Variants in GBP6 observed in about 807,000 individuals in gnomAD.
GBP6 encodes the protein guanylate-binding protein 6.
In GBP6, 54 loss-of-function variants were observed where a neutral mutation model predicts 61.5. That is an observed-to-expected ratio of 0.88 (90% CI 0.71 to 1.10). The LOEUF (loss-of-function observed/expected upper bound fraction) is 1.10, where lower values mean the gene tolerates loss of function less well. Among genes scored for constraint, GBP6 ranks in the 50% least tolerant of loss-of-function variants. The pLI, the probability that GBP6 is intolerant of heterozygous loss-of-function variation, is 0.00. For synonymous variants in GBP6, 255 were observed against 273.7 expected (o/e 0.93, Z 0.67); for missense variants, 748 against 752.8 (o/e 0.99, Z 0.07).
At position 89,385,667 on chromosome 1, in the gene GBP6, G is replaced by T; in HGVS notation, c.*198G>T. ...ACCTGCCTCAGCCCCCTAGTAGCTG[G>T]GATTATAGGTGTACACCACCACACC... is the stretch of plus-strand genomic sequence containing the variant. On this transcript the variant is annotated 3_prime_UTR_variant, in exon 11 of 11. Coordinates refer to ENST00000370456, the MANE Select transcript of GBP6 (RefSeq NM_198460.3). The T allele has an allele frequency of 1.9e-6, 1 of 528,110 alleles. No homozygotes were observed. Among genetic ancestry groups the T allele is most frequent in the South Asian group, 2.4e-5 (1 of 41,984 alleles). 32.7% of individuals were successfully genotyped at this position (528,110 alleles called of 1,614,324 possible).
intron 7 of GBP6, among the ~76,000 whole-genome samples, chr1:89,382,391 T>C (rs1010755280): frequency 6.6e-6 from 1 of 152,204 alleles, no homozygotes; most frequent in African/African-American, 2.4e-5. Flanking sequence ...GATGATACCA[T>C]TGCAACAAAC....
Position 89,380,387 on chromosome 1 carries a change from C to G in GBP6, c.627C>G (p.Gly209=), listed in dbSNP as rs749036025. Residue 209 remains glycine (G), a splice_region_variant and synonymous_variant, in exon 6 of 11, where the codon GGC becomes GGG. Coordinates refer to ENST00000370456, the MANE Select transcript of GBP6 (RefSeq NM_198460.3). ...YLENALKLIQ[G]NNPRVQTSNF... ...TCTCTGTTTTTTTTTATCCCTCAGG[C>G]AATAATCCCAGAGTTCAAACATCCA... is the stretch of plus-strand genomic sequence containing the variant. The G allele has an allele frequency of 9.9e-6, 16 of 1,612,318 alleles. No homozygotes were observed. Among genetic ancestry groups the G allele is most frequent in the Non-Finnish European group, 1.4e-5 (16 of 1,178,700 alleles).
In GBP6 at chr1:89,387,908, G is replaced by A. The variant is rs140146474; in HGVS notation, c.*2439G>A. ...AGATTGTGCCATTGCACTCCAGCCC[G>A]GGCAACAGAGCCTGGGCGACAGAGT... On this transcript the variant is annotated 3_prime_UTR_variant, in exon 11 of 11. Transcript: ENST00000370456. Among the ~76,000 whole-genome samples, 2,155 of 152,264 alleles carry A rather than the reference G, an allele frequency of 0.014. 58 individuals are homozygous for A. The highest frequency in any genetic ancestry group is 0.05 in the African/African-American group (2,059 of 41,552).
At position 89,369,273 on chromosome 1, in the gene GBP6, C is replaced by A. The variant is rs149760817; in HGVS notation, c.191-273C>A. 2.0e-3 allele frequency among the ~76,000 whole-genome samples: 303 copies of A among 152,318 alleles called. 1 individual carries two copies. Among genetic ancestry groups the A allele is most frequent in the African/African-American group, 6.8e-3 (282 of 41,578 alleles). On this transcript the variant is annotated intron_variant, in intron 2 of 10. Coordinates refer to ENST00000370456, the MANE Select transcript of GBP6 (RefSeq NM_198460.3). ...TCTGACTTTGAACCCCACCACTTTT[C>A]AAGATGTTCCTGTTATCAGTGACCT...
chr1:89,376,270 A>G (rs959410952), intron 3 of GBP6, among the ~76,000 whole-genome samples: 7 of 152,226 alleles, frequency 4.6e-5, no homozygotes, highest in South Asian at 2.1e-4. Context: ...AAAAGAACAG[A>G]TATCTCTTTG....
chr1:89,385,378 T>C lies in GBP6; in HGVS notation c.1811T>C (p.Leu604Pro). ...ACCTTGGACAACCTTGCCGATGAGC[T>C]AACTGCAATATTGTCTGCTCCTGCT... ...ARTLDNLADE[L>P]TAILSAPAKL... The change falls in exon 11 of 11, where the codon CTA (leucine) becomes CCA (proline). Residue 604 changes from leucine to proline, a missense_variant. Leu to Pro is a moderately conservative substitution (Grantham distance 98, BLOSUM62 -3). Transcript: ENST00000370456. The C allele has an allele frequency of 6.2e-7, 1 of 1,614,152 alleles. No individual in the cohort carries two copies. Among genetic ancestry groups the C allele is most frequent in the African/African-American group, 1.3e-5 (1 of 75,034 alleles).
chr1:89,373,019 C>A (rs557472901), intron 3 of GBP6, among the ~76,000 whole-genome samples: 88 of 152,342 alleles, frequency 5.8e-4, no homozygotes, highest in African/African-American at 2.0e-3. Context: ...TGAACAGACA[C>A]TTCTCAAAAG....
chr1:89,385,159 A>T, intron 10 of GBP6, 71 bp from the exon 11 acceptor site: 2 of 1,386,558 alleles, frequency 1.4e-6, no homozygotes, highest in Non-Finnish European at 9.8e-7. Flanking sequence ...CACAGGTTTT[A>T]AATACAAAAT....
At position 89,380,421 on chromosome 1, in the gene GBP6, AG is replaced by A; in HGVS notation, c.664del (p.Glu222SerfsTer25). On this transcript the variant is annotated frameshift_variant, in exon 6 of 11. Transcript: ENST00000370456. LOFTEE classifies it high-confidence loss of function. Reference sequence around the variant, plus strand: ...CAGAGTTCAAACATCCAATTTTCCCAGGGAGTGCATCAGGCGTTTCTTTCCA... The same window carrying A: ...CAGAGTTCAAACATCCAATTTTCCCAGGAGTGCATCAGGCGTTTCTTTCCA... ...NPRVQTSNFP[R>X]ECIRRFFPKR... 1 of 1,613,706 alleles carries A rather than the reference AG, an allele frequency of 6.2e-7. No individual in the cohort carries two copies. Among genetic ancestry groups the A allele is most frequent in the Non-Finnish European group, 8.5e-7 (1 of 1,179,676 alleles).
chr1:89,366,955 G>T (rs578218886), intron 1 of GBP6, among the ~76,000 whole-genome samples: 2 of 152,270 alleles, frequency 1.3e-5, no homozygotes, highest in Admixed American at 6.5e-5. Context: ...ATGTCTTCAA[G>T]GTGATCCATG....
chr1:89,386,324 G>A lies in GBP6; in HGVS notation c.*855G>A, dbSNP rs1653144888. ...GAAGAACCAAGTGAATGTAGGGGTT[G>A]AAGGAACACATACTCTTCACTTTAT... On this transcript the variant is annotated 3_prime_UTR_variant, in exon 11 of 11. Coordinates refer to ENST00000370456, the MANE Select transcript of GBP6 (RefSeq NM_198460.3). 6.6e-6 allele frequency: 1 copy of A among 152,174 alleles called. No homozygotes were observed. Among genetic ancestry groups the A allele is most frequent in the African/African-American group, 2.4e-5 (1 of 41,436 alleles). The allele number at this position is 152,174 out of a possible 1,614,324, so 9.4% of individuals were successfully genotyped here. A position where few individuals can be genotyped will look rare whatever the true frequency, so the allele number is the denominator to read the frequency against.
In GBP6 at chr1:89,386,624, T is replaced by C. The variant is rs1653152431; in HGVS notation, c.*1155T>C. Among the ~76,000 whole-genome samples the C allele has an allele frequency of 6.6e-6, 1 of 152,230 alleles. No individual in the cohort carries two copies. Among genetic ancestry groups the C allele is most frequent in the African/African-American group, 2.4e-5 (1 of 41,472 alleles). On this transcript the variant is annotated 3_prime_UTR_variant, in exon 11 of 11. Transcript: ENST00000370456. ...TTCTATTTGTTTCGAGACTAAGGCA[T>C]ACACTTTTCTGTGGCCTTTGAAATC...
At chr1:89,374,446 A>C (rs183857545) in intron 3 of GBP6, among the ~76,000 whole-genome samples, 19 of 152,316 alleles carry the variant, frequency 1.2e-4, no homozygotes, top group Non-Finnish European at 5.9e-5. Flanking sequence ...GGATTTATAC[A>C]TAAAAGTAAG....
chr1:89,380,680 A>G (rs1652952776), intron 6 of GBP6, 49 bp downstream of exon 6: 1 of 1,566,742 alleles, frequency 6.4e-7, no homozygotes, highest in Admixed American at 1.8e-5. Flanking sequence ...TGTTGAATAT[A>G]TTGTATAATG....
rs781734643 is a variant in GBP6, at chr1:89,368,749, G to C, written c.190+8G>C. 2.3e-5 allele frequency: 37 copies of C among 1,608,386 alleles called. No individual in the cohort carries two copies. The highest frequency in any genetic ancestry group is 3.0e-5 in the Non-Finnish European group (35 of 1,175,894). On this transcript the variant is annotated splice_region_variant and intron_variant, in intron 2 of 10. Transcript: ENST00000370456. ...TGGCAGGACAGAATCATGGTAAGTG[G>C]TATCCTGGGACACAGGCCAGTTGCT...
At chr1:89,372,664 C>T (rs1294057189) in intron 3 of GBP6, among the ~76,000 whole-genome samples, 2 of 152,108 alleles carry the variant, frequency 1.3e-5, no homozygotes, top group African/African-American at 4.8e-5. Flanking sequence ...AAAATTAATT[C>T]AAGATGGATT....
At chr1:89,376,088 A>C (rs771131048) in intron 3 of GBP6, among the ~76,000 whole-genome samples, 7 of 152,174 alleles carry the variant, frequency 4.6e-5, no homozygotes, top group Non-Finnish European at 1.0e-4. Flanking sequence ...ACTTAGCTTA[A>C]CATCCTCTAG....
In GBP6 at chr1:89,380,427, T is replaced by C; in HGVS notation, c.667T>C (p.Cys223Arg). The C allele has an allele frequency of 6.2e-7, 1 of 1,613,774 alleles. No homozygotes were observed. The highest frequency in any genetic ancestry group is 8.5e-7 in the Non-Finnish European group (1 of 1,179,786). ...RVQTSNFPRE[C>R]IRRFFPKRKC... is the part of the protein sequence containing the mutation. ...TCAAACATCCAATTTTCCCAGGGAG[T>C]GCATCAGGCGTTTCTTTCCAAAACG... is the stretch of plus-strand genomic sequence containing the variant. Residue 223 changes from cysteine (C) to arginine (R), a missense_variant, in exon 6 of 11, where the codon TGC becomes CGC. Transcript: ENST00000370456.
chr1:89,368,713 G>GA lies in GBP6; in HGVS notation c.163dup (p.Met55AsnfsTer20). Reference sequence around the variant, plus strand: ...TGTACCGTACAGGGAAATCCTACTTGATGAACCATCTGGCAGGACAGAATC... The same window carrying GA: ...TGTACCGTACAGGGAAATCCTACTTGAATGAACCATCTGGCAGGACAGAATC... On this transcript the variant is annotated frameshift_variant, in exon 2 of 11. Coordinates refer to ENST00000370456, the MANE Select transcript of GBP6 (RefSeq NM_198460.3). LOFTEE classifies it high-confidence loss of function. 1 of 1,613,594 alleles carries GA rather than the reference G, an allele frequency of 6.2e-7. No homozygotes were observed. The highest frequency in any genetic ancestry group is 1.1e-5 in the South Asian group (1 of 90,998).
Sources: gnomAD v4.1 joint callset for allele counts (sites outside exome capture counted in the v4.1 genomes callset) on GRCh38, gnomAD v4.1.1 for gene constraint, MANE v1.5 for transcripts, NCBI Gene and HGNC (gene_info 2026-07-23, HGNC 2026-07-21) for gene names.